STX8: variants seen among roughly 807,000 people sequenced by gnomAD.
The protein encoded by STX8 is syntaxin 8.
A neutral mutation model predicts 37.5 loss-of-function variants in STX8; 23 were observed. The observed-to-expected ratio is 0.61, with a 90% CI of 0.44 to 0.87. The LOEUF (loss-of-function observed/expected upper bound fraction) is 0.87. Among genes scored for constraint, STX8 ranks in the 40% least tolerant of loss-of-function variants. The pLI is 0.00. For missense variants in STX8, 313 were observed against 284.7 expected (o/e 1.10, Z -0.71); for synonymous variants, 115 against 99.1 (o/e 1.16, Z -0.95).
chr17:9,294,264 T>G (rs1908432161), intron 7 of STX8, among the ~76,000 whole-genome samples: 1 of 152,200 alleles, frequency 6.6e-6, no homozygotes, highest in Admixed American at 6.5e-5. Context: ...AGGAAAGATA[T>G]GAAGTCTGGC....
intron 5 of STX8, among the ~76,000 whole-genome samples, chr17:9,495,211 C>T (rs191287950): frequency 3.3e-4 from 50 of 152,152 alleles, no homozygotes; most frequent in African/African-American, 9.9e-4. Flanking sequence ...AATGACCTGC[C>T]GTCTTTAGGG....
intron 4 of STX8, among the ~76,000 whole-genome samples, chr17:9,540,239 T>C (rs1163109868): frequency 6.6e-6 from 1 of 152,222 alleles, no homozygotes; most frequent in East Asian, 1.9e-4. Flanking sequence ...CCTCGATAGG[T>C]CCACATGGTG....
intron 7 of STX8, among the ~76,000 whole-genome samples, chr17:9,285,413 T>TTAA (rs1316181924): frequency 9.2e-6 from 1 of 108,486 alleles, no homozygotes; most frequent in African/African-American, 3.8e-5. Flanking sequence ...AAAGTAGTGA[T>TTAA]AAAAAAAAAA....
intron 6 of STX8, among the ~76,000 whole-genome samples, chr17:9,415,914 T>C (rs1054841875): frequency 6.6e-6 from 1 of 152,386 alleles, no homozygotes; most frequent in East Asian, 1.9e-4. Context: ...CCAGCTTCTA[T>C]GCTGGCATCC....
Position 9,542,854 on chromosome 17 carries a change from T to A in STX8, c.323+2318A>T, listed in dbSNP as rs142750957. Among the ~76,000 whole-genome samples, 496 of 152,228 alleles carry A rather than the reference T, an allele frequency of 3.3e-3. 2 individuals are homozygous for A. The highest frequency in any genetic ancestry group is 0.011 in the African/African-American group (466 of 41,546). On this transcript the variant is annotated intron_variant, in intron 4 of 7. Transcript: ENST00000306357. The stretch of plus-strand genomic sequence containing the variant: ...TCTGAGTTTGTAACACACTGCCAGG[T>A]GATGCTGATGCTGCTTATCAGCAAG...
intron 4 of STX8, among the ~76,000 whole-genome samples, chr17:9,525,351 CTTT>C (rs35824131): frequency 7.0e-6 from 1 of 143,724 alleles, no homozygotes; most frequent in Non-Finnish European, 1.5e-5. Context: ...TTTCTCTTTT[CTTT>C]TTTTTTTTTT....
At chr17:9,313,147 C>T (rs962353676) in intron 7 of STX8, among the ~76,000 whole-genome samples, 15 of 152,130 alleles carry the variant, frequency 9.9e-5, no homozygotes, top group African/African-American at 2.7e-4. Context: ...GCCGAGATCA[C>T]GCCATTGCAT....
chr17:9,475,877 G>A (rs1385406251), intron 6 of STX8, among the ~76,000 whole-genome samples: 2 of 152,146 alleles, frequency 1.3e-5, no homozygotes, highest in Non-Finnish European at 2.9e-5. Flanking sequence ...GAAGCCTTTC[G>A]GGTAAATAAA....
In STX8 at chr17:9,306,595, CAAAAAAA is replaced by C. The variant is rs71135963; in HGVS notation, c.644-55957_644-55951del. 1.9e-4 allele frequency among the ~76,000 whole-genome samples: 13 copies of C among 69,894 alleles called. 1 individual carries two copies. Among genetic ancestry groups the C allele is most frequent in the Middle Eastern group, 0.026 (2 of 76 alleles). 45.9% of individuals were successfully genotyped at this position (69,894 alleles called of 152,430 possible). ...TGAAAACCCGTCTCTACTAAAAATACAAAAAAAAAAAAAAAAAAAAATAGCCATGCGT... is the reference window on the plus strand; with the variant it reads ...TGAAAACCCGTCTCTACTAAAAATACAAAAAAAAAAAAAATAGCCATGCGT... On this transcript the variant is annotated intron_variant, in intron 7 of 7. Coordinates refer to ENST00000306357, the MANE Select transcript of STX8 (RefSeq NM_004853.3).
chr17:9,421,533 C>G (rs886520947), intron 6 of STX8, among the ~76,000 whole-genome samples: 6 of 151,444 alleles, frequency 4.0e-5, no homozygotes, highest in Non-Finnish European at 5.9e-5. Flanking sequence ...ACATGGTGAC[C>G]CTGGCTGCTT....
chr17:9,254,531 G>A (rs1204427905), intron 7 of STX8, among the ~76,000 whole-genome samples: 1 of 152,094 alleles, frequency 6.6e-6, no homozygotes, highest in Non-Finnish European at 1.5e-5. Context: ...AAGTAGCGGG[G>A]ATTACAGGTG....
chr17:9,494,477 T>A (rs1017069364), intron 5 of STX8, among the ~76,000 whole-genome samples: 1 of 151,350 alleles, frequency 6.6e-6, no homozygotes, highest in Non-Finnish European at 1.5e-5. Flanking sequence ...ACAAACATTA[T>A]CTGGGTGTGG....
At chr17:9,345,064 G>A (rs1052585959) in intron 7 of STX8, among the ~76,000 whole-genome samples, 9 of 152,136 alleles carry the variant, frequency 5.9e-5, no homozygotes, top group Non-Finnish European at 1.0e-4. Flanking sequence ...GGTAGCAGAC[G>A]AGGGGCTGAA....
chr17:9,484,255 G>A (rs1046700585), intron 6 of STX8, among the ~76,000 whole-genome samples: 3 of 152,048 alleles, frequency 2.0e-5, no homozygotes, highest in Admixed American at 6.6e-5. Context: ...GTTCCAGTGC[G>A]GTGGAGAATA....
intron 1 of STX8, among the ~76,000 whole-genome samples, chr17:9,572,895 G>A (rs769241045): frequency 4.6e-5 from 7 of 152,068 alleles, no homozygotes; most frequent in Non-Finnish European, 8.8e-5. Flanking sequence ...CATTAACTGC[G>A]GAAGAAGCTT....
chr17:9,442,470 G>C (rs1018490754), intron 6 of STX8, among the ~76,000 whole-genome samples: 4 of 152,126 alleles, frequency 2.6e-5, no homozygotes, highest in African/African-American at 9.7e-5. Flanking sequence ...CAGTCTCAGT[G>C]ATCTCAGCTC....
chr17:9,514,117 T>G (rs931420555), intron 4 of STX8, among the ~76,000 whole-genome samples: 1 of 152,148 alleles, frequency 6.6e-6, no homozygotes, highest in Admixed American at 6.6e-5. Context: ...TATTCACCAC[T>G]GTAGGATGAC....
chr17:9,361,572 T>C (rs1470696826), intron 7 of STX8, among the ~76,000 whole-genome samples: 1 of 152,230 alleles, frequency 6.6e-6, no homozygotes, highest in African/African-American at 2.4e-5. Flanking sequence ...CAGAGATGCT[T>C]TGTACAGAAT....
At chr17:9,519,690 T>C (rs1905270569) in intron 4 of STX8, among the ~76,000 whole-genome samples, 1 of 151,980 alleles carries the variant, frequency 6.6e-6, no homozygotes, top group Non-Finnish European at 1.5e-5. Context: ...CATCATCTCC[T>C]CAACATCCCC....
Sources: gnomAD v4.1 joint callset for allele counts (sites outside exome capture counted in the v4.1 genomes callset) on GRCh38, gnomAD v4.1.1 for gene constraint, MANE v1.5 for transcripts, NCBI Gene and HGNC (gene_info 2026-07-23, HGNC 2026-07-21) for gene names.